SPINT2: variants seen among roughly 807,000 people sequenced by gnomAD.
SPINT2 encodes the protein kunitz-type protease inhibitor 2.
SPINT2 carries 18 observed loss-of-function variants against 30.1 expected under a neutral mutation model. That is an observed-to-expected ratio of 0.60 (90% CI 0.41 to 0.89). The LOEUF (loss-of-function observed/expected upper bound fraction) is 0.89, where lower values mean the gene tolerates loss of function less well. Among genes scored for constraint, SPINT2 ranks in the 40% least tolerant of loss-of-function variants. The probability of loss-of-function intolerance (pLI) is 0.00; values close to 1 mark genes in which losing one functional copy is unlikely to be tolerated. For missense variants in SPINT2, 276 were observed against 334.3 expected (o/e 0.83, Z 1.36); for synonymous variants, 139 against 137.9 (o/e 1.01, Z -0.05).
intron 1 of SPINT2, among the ~76,000 whole-genome samples, chr19:38,269,782 T>TG (rs1420021091): frequency 6.8e-6 from 1 of 147,584 alleles, no homozygotes; most frequent in African/African-American, 2.5e-5. Context: ...GCTAATTTTT[T>TG]GTATTTTTAG....
intron 1 of SPINT2, among the ~76,000 whole-genome samples, chr19:38,276,348 A>G (rs1416870307): frequency 6.6e-6 from 1 of 152,160 alleles, no homozygotes; most frequent in Non-Finnish European, 1.5e-5. Context: ...TTTTAAAAAT[A>G]AGCTTGTTTT....
At chr19:38,288,362 G>A (rs1222226280) in intron 3 of SPINT2, 1 of 316,746 alleles carries the variant, frequency 3.2e-6, no homozygotes, top group East Asian at 8.1e-5. Flanking sequence ...GGCATCCTCT[G>A]TCCTCTGCCA....
rs777327266 is a variant in SPINT2 at position 38,283,649 on chromosome 19, G to A, written c.129G>A (p.Val43=). 5.7e-5 allele frequency: 92 copies of A among 1,614,050 alleles called. 1 individual carries two copies. In the South Asian group the frequency reaches 9.3e-4, roughly 16 times the overall value. ...CAGACTTCTGCCTGGTGTCGAAGGTGGTGGGCAGATGCCGGGCCTCCATGC... is the reference window on the plus strand; with the variant it reads ...CAGACTTCTGCCTGGTGTCGAAGGTAGTGGGCAGATGCCGGGCCTCCATGC... ...SIHDFCLVSK[V]VGRCRASMPR... is the part of the protein sequence containing the mutation. The change falls in exon 2 of 7, where the codon GTG becomes GTA. Residue 43 remains valine (V), a synonymous_variant. Transcript: ENST00000301244.
At chr19:38,273,484 C>G (rs1210723702) in intron 1 of SPINT2, among the ~76,000 whole-genome samples, 1 of 152,230 alleles carries the variant, frequency 6.6e-6, no homozygotes, top group Non-Finnish European at 1.5e-5. Flanking sequence ...CAGGCATGAG[C>G]CACTGTGCCC....
At chr19:38,288,481 A>T (rs868790600) in intron 3 of SPINT2, 13 of 219,686 alleles carry the variant, frequency 5.9e-5, no homozygotes, top group African/African-American at 2.3e-4. Context: ...AGGACTCTGC[A>T]TCGGGCGCCT....
At chr19:38,266,603 G>A (rs35195976) in intron 1 of SPINT2, among the ~76,000 whole-genome samples, 5 of 151,872 alleles carry the variant, frequency 3.3e-5, no homozygotes, top group Non-Finnish European at 7.4e-5. Context: ...TTGAAGCCCA[G>A]AGGCGGAGGC....
chr19:38,292,297 T>C lies in SPINT2; in HGVS notation c.*291T>C, dbSNP rs1600354859. The C allele has an allele frequency of 2.9e-6, 1 of 345,726 alleles. No individual in the cohort carries two copies. Among genetic ancestry groups the C allele is most frequent in the Non-Finnish European group, 5.4e-6 (1 of 184,238 alleles). 21.4% of individuals were successfully genotyped at this position (345,726 alleles called of 1,614,324 possible). On this transcript the variant is annotated 3_prime_UTR_variant, in exon 7 of 7. Coordinates refer to ENST00000301244, the MANE Select transcript of SPINT2 (RefSeq NM_021102.4). Reference sequence around the variant, plus strand: ...TGCTTATGTTGAATTCCATTGCCTCTTTTCTCATCACAGAAGTGATGTTGG... The same window carrying C: ...TGCTTATGTTGAATTCCATTGCCTCCTTTCTCATCACAGAAGTGATGTTGG...
chr19:38,272,468 A>C (rs569905495), intron 1 of SPINT2, among the ~76,000 whole-genome samples: 1 of 152,198 alleles, frequency 6.6e-6, no homozygotes, highest in African/African-American at 2.4e-5. Context: ...GAGAGGGTCC[A>C]AGAGCTTTCC....
rs549161086 is a variant in SPINT2, at chr19:38,283,903, G to A, written c.277+106G>A. 1,225 of 1,322,498 alleles carry A rather than the reference G, an allele frequency of 9.3e-4. 3 individuals carry two copies. Among genetic ancestry groups the A allele is most frequent in the African/African-American group, 6.8e-3 (437 of 63,992 alleles). The allele number at this position is 1,322,498 out of a possible 1,614,324, so 81.9% of individuals were successfully genotyped here. ...GTCGCCCAGGCTGGAGTGCAGTGGC[G>A]CGATCTTGGCTCACTGCAAGCTCCG... On this transcript the variant is annotated intron_variant, in intron 2 of 6. Coordinates refer to ENST00000301244, the MANE Select transcript of SPINT2 (RefSeq NM_021102.4).
chr19:38,289,188 G>A lies in SPINT2; in HGVS notation c.388G>A (p.Glu130Lys), dbSNP rs1968680255. The part of the protein sequence containing the change: ...EDHSSDMFNY[E>K]EYCTANAVTG... ...CCACTCCAGCGATATGTTCAACTAT[G>A]AAGGTAAAACTCCAAAGAGGCCAGG... The change falls in exon 4 of 7, where the codon GAA becomes AAA. Residue 130 changes from glutamate (E) to lysine (K), a missense_variant. By Grantham distance (56) the Glu-to-Lys change is moderately conservative (BLOSUM62 1). Transcript: ENST00000301244. 1.2e-6 allele frequency: 2 copies of A among 1,613,928 alleles called. No homozygotes were observed. The highest frequency in any genetic ancestry group is 1.7e-6 in the Non-Finnish European group (2 of 1,179,934).
In SPINT2 at chr19:38,290,821, G is replaced by C; in HGVS notation, c.592+246G>C. On this transcript the variant is annotated intron_variant, in intron 6 of 6. Coordinates refer to ENST00000301244, the MANE Select transcript of SPINT2 (RefSeq NM_021102.4). The surrounding 1 kb of genome is among the most constrained non-coding windows in gnomAD (Gnocchi z 4.3). Reference sequence around the variant, plus strand: ...AGGCGGCGTGGGTGACTGGGGATGAGGTCTTCCTGTTGAGCATTTGAGGAC... The same window carrying C: ...AGGCGGCGTGGGTGACTGGGGATGACGTCTTCCTGTTGAGCATTTGAGGAC... 1 of 607,606 alleles carries C rather than the reference G, an allele frequency of 1.6e-6. No individual in the cohort carries two copies. The highest frequency in any genetic ancestry group is 1.8e-5 in the South Asian group (1 of 55,042). 37.6% of individuals were successfully genotyped at this position (607,606 alleles called of 1,614,324 possible). A position where few individuals can be genotyped will look rare whatever the true frequency, so the allele number is the denominator to read the frequency against.
Position 38,283,084 on chromosome 19 carries a change from G to A in SPINT2, c.107-543G>A, listed in dbSNP as rs961782593. On this transcript the variant is annotated intron_variant, in intron 1 of 6. Transcript: ENST00000301244. ...CCCAGCACTTTGGGAGGCCGAGGCA[G>A]GCGGATTGCTTGATCTCAGGAGTTG... Among the ~76,000 whole-genome samples, 4 of 152,134 alleles carry A rather than the reference G, an allele frequency of 2.6e-5. No individual in the cohort carries two copies. In the East Asian group the frequency reaches 5.8e-4, roughly 22 times the overall value.
At position 38,292,213 on chromosome 19, in the gene SPINT2, C is replaced by A; in HGVS notation, c.*207C>A. On this transcript the variant is annotated 3_prime_UTR_variant, in exon 7 of 7. Transcript: ENST00000301244. ...CCTCCTCGCATGGCCTGCAGTCTGG[C>A]AGCAGCCCCGAGTTGTTTCCTCGCT... 1.6e-6 allele frequency: 1 copy of A among 616,804 alleles called. No homozygotes were observed. The highest frequency in any genetic ancestry group is 2.8e-6 in the Non-Finnish European group (1 of 358,406). 38.2% of individuals were successfully genotyped at this position (616,804 alleles called of 1,614,324 possible).
chr19:38,281,157 CT>C (rs1318237159), intron 1 of SPINT2, among the ~76,000 whole-genome samples: 3 of 152,190 alleles, frequency 2.0e-5, no homozygotes, highest in Non-Finnish European at 4.4e-5. Context: ...GCTGTTTTCT[CT>C]GGACCTTGTT....
intron 1 of SPINT2, 67 bp downstream of exon 1, chr19:38,265,065 C>A: frequency 1.6e-6 from 2 of 1,267,286 alleles, no homozygotes; most frequent in Non-Finnish European, 2.1e-6. Context: ...CAACGGGGGT[C>A]TGAGCAGGGA....
chr19:38,266,494 G>A (rs902829338), intron 1 of SPINT2, among the ~76,000 whole-genome samples: 3 of 152,054 alleles, frequency 2.0e-5, no homozygotes, highest in African/African-American at 7.2e-5. Flanking sequence ...TAGGCAACAT[G>A]ATGAAACCCC....
In SPINT2 at chr19:38,269,542, G is replaced by T. The variant is rs550942312; in HGVS notation, c.106+4544G>T. ...TGCCTCATCCGCCTGAGTAGCTGGG[G>T]TTACAGGTGTGCACCACCACACCCA... On this transcript the variant is annotated intron_variant, in intron 1 of 6. Transcript: ENST00000301244. Among the ~76,000 whole-genome samples, 4 of 148,786 alleles carry T rather than the reference G, an allele frequency of 2.7e-5. No individual in the cohort carries two copies. The East Asian group carries it at 7.9e-4, about 29-fold the overall frequency.
At chr19:38,275,302 T>A (rs1968502898) in intron 1 of SPINT2, among the ~76,000 whole-genome samples, 1 of 152,186 alleles carries the variant, frequency 6.6e-6, no homozygotes, top group Admixed American at 6.6e-5. Context: ...TGTTACTCTG[T>A]GCATTTATAG....
At chr19:38,267,122 A>G (rs1056491168) in intron 1 of SPINT2, among the ~76,000 whole-genome samples, 3 of 152,236 alleles carry the variant, frequency 2.0e-5, no homozygotes, top group African/African-American at 7.2e-5. Flanking sequence ...TTCTCTGTTC[A>G]GAGTGGCCTA....
Sources: gnomAD v4.1 joint callset for allele counts (sites outside exome capture counted in the v4.1 genomes callset) on GRCh38, gnomAD v4.1.1 for gene constraint, Gnocchi (gnomAD v3.1) non-coding constraint, MANE v1.5 for transcripts, NCBI Gene and HGNC (gene_info 2026-07-23, HGNC 2026-07-21) for gene names.